C13orf42: variants seen among roughly 807,000 people sequenced by gnomAD.
C13orf42 encodes the protein uncharacterized protein C13orf42.
chr13:51,144,125 A>G (rs1226670295), intron 1 of C13orf42, among the ~76,000 whole-genome samples: 1 of 152,124 alleles, frequency 6.6e-6, no homozygotes, highest in Non-Finnish European at 1.5e-5. Context: ...TTTATAATCA[A>G]CTATAAATCT....
At chr13:51,101,203 CATTTT>C (rs1953286395) in intron 1 of C13orf42, among the ~76,000 whole-genome samples, 1 of 152,156 alleles carries the variant, frequency 6.6e-6, no homozygotes, top group Non-Finnish European at 1.5e-5. Context: ...AGGCATTCTT[CATTTT>C]ATCTTACAAC....
At chr13:51,144,298 T>G (rs1365446465) in intron 1 of C13orf42, among the ~76,000 whole-genome samples, 1 of 151,912 alleles carries the variant, frequency 6.6e-6, no homozygotes, top group Middle Eastern at 3.4e-3. Flanking sequence ...ACTTTTTGCT[T>G]AATATGTTTG....
chr13:51,148,757 C>T (rs749861395), intron 1 of C13orf42, among the ~76,000 whole-genome samples: 2 of 152,204 alleles, frequency 1.3e-5, no homozygotes, highest in Non-Finnish European at 2.9e-5. Flanking sequence ...CCAAATGCCC[C>T]GCTGGCCTCA....
At position 51,088,071 on chromosome 13, in the gene C13orf42, G is replaced by T. The variant is rs533768319; in HGVS notation, c.419C>A (p.Ala140Glu). 3.0e-5 allele frequency: 12 copies of T among 398,822 alleles called. No homozygotes were observed. Among genetic ancestry groups the T allele is most frequent in the African/African-American group, 2.1e-4 (10 of 48,770 alleles). The allele number at this position is 398,822 out of a possible 1,614,324, so 24.7% of individuals were successfully genotyped here. A position where few individuals can be genotyped will look rare whatever the true frequency, so the allele number is the denominator to read the frequency against. Reference sequence around the variant, plus strand: ...GAACTGCGAGTATTTCTTTGGGGTTGCTTTCTGCAAGAGGTGAAGGGGAGA... The same window carrying T: ...GAACTGCGAGTATTTCTTTGGGGTTTCTTTCTGCAAGAGGTGAAGGGGAGA... ...VRSTPKEIKK[A>E]TPKKYSQFSA... Residue 140 changes from alanine (A) to glutamate (E), a missense_variant, in exon 2 of 4, where the codon GCA (alanine) becomes GAA (glutamate). Transcript: ENST00000563710.
chr13:51,163,242 A>G (rs1457544317), intron 1 of C13orf42, among the ~76,000 whole-genome samples: 1 of 152,134 alleles, frequency 6.6e-6, no homozygotes, highest in Non-Finnish European at 1.5e-5. Flanking sequence ...CCCTTCAAAT[A>G]TAGGCAGCCT....
At chr13:51,134,225 C>A (rs1953639927) in intron 1 of C13orf42, among the ~76,000 whole-genome samples, 2 of 152,322 alleles carry the variant, frequency 1.3e-5, no homozygotes, top group Admixed American at 1.3e-4. Flanking sequence ...TTTCCCAATT[C>A]TAATCCACCC....
upstream of C13orf42, among the ~76,000 whole-genome samples, chr13:51,115,709 C>G (rs771412835): frequency 6.6e-6 from 1 of 152,142 alleles, no homozygotes; most frequent in Non-Finnish European, 1.5e-5. Context: ...AAGAAGGGGA[C>G]GCTGAGAAAA....
intron 1 of C13orf42, among the ~76,000 whole-genome samples, chr13:51,146,192 A>ATTT (rs112655473): frequency 0.5 from 75,278 of 151,508 alleles, 18,870 homozygotes; most frequent in African/African-American, 0.56. Context: ...AGGCACCCAA[A>ATTT]ATTAACCTAT....
intron 1 of C13orf42, chr13:51,161,577 G>A (rs1593558034): frequency 6.2e-6 from 1 of 161,292 alleles, no homozygotes; most frequent in Non-Finnish European, 1.3e-5. Context: ...ATTCAGGAAA[G>A]CCCCTACATC....
chr13:51,158,245 A>G (rs922709804), intron 1 of C13orf42, among the ~76,000 whole-genome samples: 1 of 152,192 alleles, frequency 6.6e-6, no homozygotes, highest in Non-Finnish European at 1.5e-5. Flanking sequence ...CCACTATGCT[A>G]TGCATGGATG....
chr13:51,160,761 A>C (rs1953858170), intron 1 of C13orf42, among the ~76,000 whole-genome samples: 1 of 152,182 alleles, frequency 6.6e-6, no homozygotes, highest in Non-Finnish European at 1.5e-5. Flanking sequence ...AATATAAAGG[A>C]AATTCCTTAA....
chr13:51,141,754 C>T (rs962307254), intron 1 of C13orf42, among the ~76,000 whole-genome samples: 2 of 151,646 alleles, frequency 1.3e-5, no homozygotes, highest in Non-Finnish European at 2.9e-5. Context: ...ACCGAGATCC[C>T]ACCACTGCAC....
At chr13:51,133,291 T>C (rs899522525) in intron 1 of C13orf42, among the ~76,000 whole-genome samples, 6 of 152,040 alleles carry the variant, frequency 3.9e-5, no homozygotes, top group Non-Finnish European at 5.9e-5. Flanking sequence ...AGAAGGGAAA[T>C]AGAATGTGGT....
intron 1 of C13orf42, among the ~76,000 whole-genome samples, chr13:51,166,657 A>G (rs1303485247): frequency 6.6e-6 from 1 of 152,056 alleles, no homozygotes; most frequent in Admixed American, 6.6e-5. Context: ...TTTCCGGTAC[A>G]TTTTTGACTT....
chr13:51,170,589 G>T (rs1267460516), intron 1 of C13orf42, among the ~76,000 whole-genome samples: 1 of 151,896 alleles, frequency 6.6e-6, no homozygotes, highest in Non-Finnish European at 1.5e-5. Flanking sequence ...TCATTTTCTG[G>T]TAGAGACAAA....
intron 1 of C13orf42, among the ~76,000 whole-genome samples, chr13:51,156,102 C>T (rs531352855): frequency 2.2e-3 from 333 of 152,300 alleles, no homozygotes; most frequent in Non-Finnish European, 3.9e-3. Context: ...TGACCCCACC[C>T]CCGGCCTGTA....
chr13:51,090,615 T>A (rs1415506475), intron 1 of C13orf42, among the ~76,000 whole-genome samples: 2 of 152,186 alleles, frequency 1.3e-5, no homozygotes, highest in Non-Finnish European at 2.9e-5. Flanking sequence ...TCATATTATT[T>A]TTTATCTGGG....
At chr13:51,122,427 A>T (rs1953543132) in intron 1 of C13orf42, among the ~76,000 whole-genome samples, 2 of 151,802 alleles carry the variant, frequency 1.3e-5, no homozygotes, top group African/African-American at 4.8e-5. Flanking sequence ...CCAGCTACTC[A>T]GGAGGCTGAA....
At chr13:51,127,894 CAG>C (rs1037906150) in intron 1 of C13orf42, among the ~76,000 whole-genome samples, 2 of 152,088 alleles carry the variant, frequency 1.3e-5, no homozygotes, top group African/African-American at 4.8e-5. Flanking sequence ...GCTGCATTCC[CAG>C]AGAGTTAGTC....
Sources: allele counts gnomAD v4.1 joint callset (sites outside exome capture counted in the v4.1 genomes callset), GRCh38; gene constraint gnomAD v4.1.1; transcripts MANE v1.5; gene names NCBI Gene and HGNC (gene_info 2026-07-23, HGNC 2026-07-21).